ZNF385D: variants seen among roughly 807,000 people sequenced by gnomAD.
ZNF385D encodes the protein zinc finger protein 385D.
In ZNF385D, 15 loss-of-function variants were observed where a neutral mutation model predicts 35.8. The observed-to-expected ratio is 0.42, with a 90% CI of 0.28 to 0.64. ZNF385D has a LOEUF of 0.64. ZNF385D is among the 30% of genes least tolerant of loss of function. ZNF385D has a pLI of 0.23. For missense variants in ZNF385D, 474 were observed against 494.6 expected (o/e 0.96, Z 0.39); for synonymous variants, 212 against 186.8 (o/e 1.13, Z -1.10).
In ZNF385D at chr3:21,420,893, C is replaced by G. The variant is rs1041026899; in HGVS notation, c.*321G>C. ...TAGTTGTTTCATAAAGCAGGACAGA[C>G]AATGCAGAGGGAAATAGGTGCCCAA... On this transcript the variant is annotated 3_prime_UTR_variant, in exon 8 of 8. Transcript: ENST00000281523. 1.2e-5 allele frequency: 3 copies of G among 256,702 alleles called. No individual in the cohort carries two copies. The highest frequency in any genetic ancestry group is 4.4e-5 in the African/African-American group (2 of 45,788). 15.9% of individuals were successfully genotyped at this position (256,702 alleles called of 1,614,324 possible).
chr3:21,834,104 G>A (rs1011493587), intron 3 of ZNF385D, among the ~76,000 whole-genome samples: 1 of 152,102 alleles, frequency 6.6e-6, no homozygotes, highest in Non-Finnish European at 1.5e-5. Flanking sequence ...AAGGGAATAG[G>A]TGGTTCTACA....
At chr3:22,094,221 G>T (rs1442121699) in intron 3 of ZNF385D, among the ~76,000 whole-genome samples, 1 of 139,828 alleles carries the variant, frequency 7.2e-6, no homozygotes, top group Non-Finnish European at 1.6e-5. Context: ...GCATTGTCAA[G>T]TAGCATTTTT....
At chr3:22,211,148 T>A (rs1697492426) in intron 2 of ZNF385D, among the ~76,000 whole-genome samples, 1 of 151,854 alleles carries the variant, frequency 6.6e-6, no homozygotes, top group South Asian at 2.1e-4. Flanking sequence ...TTCCTCAAGC[T>A]CAGGAGATTA....
At chr3:21,597,396 A>G (rs1045196544) in intron 2 of ZNF385D, among the ~76,000 whole-genome samples, 4 of 152,202 alleles carry the variant, frequency 2.6e-5, no homozygotes, top group African/African-American at 9.6e-5. Flanking sequence ...GCACAAGAAA[A>G]TGAGCCATGA....
At chr3:22,192,251 T>C (rs570378839) in intron 2 of ZNF385D, among the ~76,000 whole-genome samples, 3 of 152,126 alleles carry the variant, frequency 2.0e-5, no homozygotes, top group Admixed American at 6.6e-5. Context: ...TTCCCCTCAT[T>C]TGCAAGCTGA....
chr3:21,860,116 A>G (rs574148269), intron 3 of ZNF385D, among the ~76,000 whole-genome samples: 2 of 152,250 alleles, frequency 1.3e-5, no homozygotes, highest in East Asian at 3.9e-4. Flanking sequence ...TGAAATAGCA[A>G]ATTAACAACT....
chr3:21,553,507 T>A (rs1223702325), intron 3 of ZNF385D, among the ~76,000 whole-genome samples: 2 of 152,190 alleles, frequency 1.3e-5, no homozygotes, highest in Non-Finnish European at 2.9e-5. Flanking sequence ...CTTGCCTCAG[T>A]GTAGATAGCT....
intron 2 of ZNF385D, among the ~76,000 whole-genome samples, chr3:21,638,443 G>C (rs1341475626): frequency 6.6e-6 from 1 of 151,958 alleles, no homozygotes; most frequent in East Asian, 1.9e-4. Flanking sequence ...TAAGTGCAGA[G>C]GTCCTCAGCT....
At chr3:22,102,530 G>C (rs1022039923) in intron 3 of ZNF385D, among the ~76,000 whole-genome samples, 2 of 152,084 alleles carry the variant, frequency 1.3e-5, no homozygotes, top group Middle Eastern at 3.4e-3. Context: ...ACCAGGGAAG[G>C]CTATCCCTTG....
chr3:21,634,832 A>ATTTT (rs2065381895), intron 2 of ZNF385D, among the ~76,000 whole-genome samples: 1 of 147,884 alleles, frequency 6.8e-6, no homozygotes. Flanking sequence ...TTTTTTTTGG[A>ATTTT]TGGCAATATT....
At chr3:21,697,063 T>G (rs1202550025) in intron 1 of ZNF385D, among the ~76,000 whole-genome samples, 4 of 152,190 alleles carry the variant, frequency 2.6e-5, no homozygotes, top group African/African-American at 9.7e-5. Context: ...GTACTTGTTC[T>G]CTAAGAGCAG....
intron 2 of ZNF385D, among the ~76,000 whole-genome samples, chr3:22,244,822 A>AC (rs1351341040): frequency 6.7e-6 from 1 of 148,698 alleles, no homozygotes. Context: ...TTTTTCCTTG[A>AC]TTTTTTTTTT....
upstream of ZNF385D, among the ~76,000 whole-genome samples, chr3:21,752,439 A>G (rs1303830827): frequency 6.6e-6 from 1 of 152,170 alleles, no homozygotes; most frequent in East Asian, 1.9e-4. Context: ...AAAATATTCT[A>G]TAGCATTTCC....
At chr3:21,940,507 A>C (rs479923) in intron 3 of ZNF385D, among the ~76,000 whole-genome samples, 39,911 of 152,064 alleles carry the variant, frequency 0.26, 5,922 homozygotes, top group Admixed American at 0.41. Flanking sequence ...TCAACATTCA[A>C]GTCAACAAAG....
chr3:21,838,586 G>A (rs1284942586), intron 3 of ZNF385D, among the ~76,000 whole-genome samples: 1 of 152,046 alleles, frequency 6.6e-6, no homozygotes, highest in African/African-American at 2.4e-5. Context: ...AGTGTCAATT[G>A]TCAAAGTGAT....
intron 2 of ZNF385D, among the ~76,000 whole-genome samples, chr3:22,191,369 G>A (rs955581739): frequency 2.0e-5 from 3 of 151,802 alleles, no homozygotes; most frequent in African/African-American, 7.3e-5. Flanking sequence ...TGCCTGTAAT[G>A]CCAGCTACTC....
At chr3:22,215,761 C>A (rs1034303970) in intron 2 of ZNF385D, among the ~76,000 whole-genome samples, 3 of 151,848 alleles carry the variant, frequency 2.0e-5, no homozygotes, top group Non-Finnish European at 4.4e-5. Flanking sequence ...TTTGTACACA[C>A]CCTCCCCTTT....
chr3:22,338,967 T>G (rs1040194195), intron 2 of ZNF385D, among the ~76,000 whole-genome samples: 1 of 151,898 alleles, frequency 6.6e-6, no homozygotes, highest in African/African-American at 2.4e-5. Flanking sequence ...TCCCAAAGTG[T>G]TAGGATTACA....
chr3:21,601,441 AAC>A (rs1030414006), intron 2 of ZNF385D, among the ~76,000 whole-genome samples: 26 of 152,346 alleles, frequency 1.7e-4, no homozygotes, highest in African/African-American at 6.3e-4. Context: ...AGTAAAAAGT[AAC>A]ACAAGATTGT....
Sources: gnomAD v4.1 joint callset for allele counts (sites outside exome capture counted in the v4.1 genomes callset) on GRCh38, gnomAD v4.1.1 for gene constraint, MANE v1.5 for transcripts, NCBI Gene and HGNC (gene_info 2026-07-23, HGNC 2026-07-21) for gene names.